The following TLK1 variants were observed in gnomAD, a reference collection of about 807,000 sequenced individuals.
TLK1 encodes tousled like kinase 1.
A neutral mutation model predicts 105.3 loss-of-function variants in TLK1; 24 were observed. The observed-to-expected ratio is 0.23, with a 90% CI of 0.17 to 0.32. TLK1 has a LOEUF of 0.32. Ranked by LOEUF, TLK1 falls within the 10% of genes least tolerant of loss-of-function variation. TLK1 has a pLI of 1.00. For synonymous variants in TLK1, 321 were observed against 310.4 expected (o/e 1.03, Z -0.36); for missense variants, 558 against 910.5 (o/e 0.61, Z 4.98).
At chr2:171,109,763 G>A (rs1690080332) in intron 2 of TLK1, among the ~76,000 whole-genome samples, 1 of 152,114 alleles carries the variant, frequency 6.6e-6, no homozygotes, top group Admixed American at 6.5e-5. Context: ...ATGCATAACT[G>A]TGGTATATCC....
upstream of TLK1, among the ~76,000 whole-genome samples, chr2:171,162,163 T>C (rs1692519406): frequency 6.6e-6 from 1 of 152,248 alleles, no homozygotes; most frequent in Non-Finnish European, 1.5e-5. Context: ...TTTAGTCTTG[T>C]CTGCTTTTCA....
At chr2:171,124,278 C>A (rs1690780695) in intron 1 of TLK1, among the ~76,000 whole-genome samples, 1 of 152,166 alleles carries the variant, frequency 6.6e-6, no homozygotes, top group African/African-American at 2.4e-5. Context: ...AATGACTTTA[C>A]CACATTCTTT....
At chr2:171,175,254 G>A (rs1054966120) in intron 1 of TLK1, among the ~76,000 whole-genome samples, 2 of 151,684 alleles carry the variant, frequency 1.3e-5, no homozygotes, top group African/African-American at 4.8e-5. Context: ...TCAGCCCTCC[G>A]TATTCATGGT....
intron 3 of TLK1, among the ~76,000 whole-genome samples, chr2:171,071,659 T>C (rs533628518): frequency 6.6e-6 from 1 of 152,350 alleles, no homozygotes; most frequent in East Asian, 1.9e-4. Flanking sequence ...CCCAGACCAA[T>C]GTCCTGGAGA....
At chr2:171,091,334 T>C (rs1689221239) in intron 2 of TLK1, among the ~76,000 whole-genome samples, 1 of 152,152 alleles carries the variant, frequency 6.6e-6, no homozygotes, top group Non-Finnish European at 1.5e-5. Flanking sequence ...GATGCCCCCA[T>C]CTAACCAGAC....
At chr2:171,230,907 C>T (rs962185883) in intron 1 of TLK1, among the ~76,000 whole-genome samples, 22 of 152,104 alleles carry the variant, frequency 1.4e-4, no homozygotes, top group African/African-American at 5.1e-4. Context: ...TCAAGTGTAC[C>T]CGTATATCTG....
intron 1 of TLK1, among the ~76,000 whole-genome samples, chr2:171,182,899 G>C (rs552449167): frequency 1.1e-4 from 14 of 127,560 alleles, no homozygotes; most frequent in Admixed American, 2.3e-4. Context: ...TCCAGCCTGG[G>C]TGACAGGTCA....
chr2:171,131,045 TTAGA>T (rs767418296), intron 1 of TLK1, among the ~76,000 whole-genome samples: 17 of 151,974 alleles, frequency 1.1e-4, no homozygotes, highest in Non-Finnish European at 1.6e-4. Flanking sequence ...ACCTGTAAAC[TTAGA>T]TAGATACCTA....
chr2:171,100,072 C>A (rs1487127207), intron 2 of TLK1, among the ~76,000 whole-genome samples: 1 of 152,056 alleles, frequency 6.6e-6, no homozygotes, highest in Non-Finnish European at 1.5e-5. Context: ...TAAGAAATAA[C>A]CCAATTTTAA....
chr2:170,994,608 G>T, intron 20 of TLK1: 1 of 485,044 alleles, frequency 2.1e-6, no homozygotes, highest in Non-Finnish European at 4.1e-6. Flanking sequence ...TAAGTGCATA[G>T]CACAAAGTAA....
intron 2 of TLK1, among the ~76,000 whole-genome samples, chr2:171,106,229 A>G (rs568693062): frequency 1.1e-4 from 16 of 152,362 alleles, no homozygotes; most frequent in African/African-American, 3.6e-4. Context: ...TAATGAATAT[A>G]GAAGTACAGC....
intron 13 of TLK1, among the ~76,000 whole-genome samples, chr2:171,013,202 G>A (rs531209688): frequency 6.6e-6 from 1 of 151,510 alleles, no homozygotes; most frequent in African/African-American, 2.4e-5. Context: ...TAGTAGAGAT[G>A]GGGTTTCACC....
At chr2:171,078,807 A>G (rs2105472307) in intron 3 of TLK1, among the ~76,000 whole-genome samples, 1 of 152,352 alleles carries the variant, frequency 6.6e-6, no homozygotes, top group South Asian at 2.1e-4. Flanking sequence ...GAGTTTTATA[A>G]AGAAGGCTGT....
rs765655322 is a variant in TLK1 at position 171,082,874 on chromosome 2, G to A, written c.259-22C>T. The A allele has an allele frequency of 8.6e-5, 134 of 1,558,298 alleles. 1 individual carries two copies. The highest frequency in any genetic ancestry group is 1.1e-4 in the Non-Finnish European group (127 of 1,143,756). ...AGGCCTGTTAAAGATTTTTTAAAAG[G>A]TAAAAATTAGGAGTAATTTTTTTAA... is the stretch of plus-strand genomic sequence containing the variant. On this transcript the variant is annotated intron_variant, in intron 2 of 20. Transcript: ENST00000431350.
chr2:171,141,125 G>A (rs1436181172), intron 1 of TLK1, among the ~76,000 whole-genome samples: 1 of 152,146 alleles, frequency 6.6e-6, no homozygotes, highest in Non-Finnish European at 1.5e-5. Flanking sequence ...GCAAATTTAA[G>A]AATGTTTAAT....
chr2:171,072,784 T>C (rs1214632640), intron 3 of TLK1, among the ~76,000 whole-genome samples: 4 of 148,922 alleles, frequency 2.7e-5, no homozygotes, highest in African/African-American at 9.9e-5. Context: ...AAAAAAAATG[T>C]TGGGTGCAGT....
At chr2:171,215,822 C>T (rs1271281642) in intron 1 of TLK1, among the ~76,000 whole-genome samples, 3 of 152,172 alleles carry the variant, frequency 2.0e-5, no homozygotes, top group Non-Finnish European at 2.9e-5. Flanking sequence ...GAGGCCCCAG[C>T]GGGTACATGC....
intron 1 of TLK1, among the ~76,000 whole-genome samples, chr2:171,215,516 C>A (rs377409264): frequency 6.6e-6 from 1 of 152,230 alleles, no homozygotes; most frequent in African/African-American, 2.4e-5. Context: ...AAGACAGGCA[C>A]GGTGATGTAT....
intron 1 of TLK1, among the ~76,000 whole-genome samples, chr2:171,202,645 T>C (rs1446942022): frequency 6.6e-6 from 1 of 151,834 alleles, no homozygotes; most frequent in Non-Finnish European, 1.5e-5. Context: ...TAGTCCCAGC[T>C]ACTTGGGAGG....
Sources: allele counts gnomAD v4.1 joint callset (sites outside exome capture counted in the v4.1 genomes callset), GRCh38; gene constraint gnomAD v4.1.1; transcripts MANE v1.5; gene names NCBI Gene and HGNC (gene_info 2026-07-23, HGNC 2026-07-21).